Variants in HDAC9 observed in about 807,000 individuals in gnomAD.
HDAC9 encodes MEF-2 interacting transcription repressor (MITR) protein.
In HDAC9, 41 loss-of-function variants were observed where a neutral mutation model predicts 139.4. The ratio of observed to expected loss-of-function variants is 0.29; its 90% confidence interval spans 0.23 to 0.38. HDAC9 has a LOEUF of 0.38. Among genes scored for constraint, HDAC9 ranks in the 10% least tolerant of loss-of-function variants. HDAC9 has a pLI of 1.00. For missense variants in HDAC9, 1,147 were observed against 1,297.0 expected (o/e 0.88, Z 1.78); for synonymous variants, 517 against 476.2 (o/e 1.09, Z -1.12).
intron 6 of HDAC9, among the ~76,000 whole-genome samples, chr7:18,604,667 G>A (rs575160533): frequency 6.6e-6 from 1 of 152,170 alleles, no homozygotes; most frequent in African/African-American, 2.4e-5. Context: ...CCAAAGTGCT[G>A]GGATTACAGG....
At chr7:18,785,324 A>G (rs754760537) in intron 16 of HDAC9, among the ~76,000 whole-genome samples, 2 of 151,918 alleles carry the variant, frequency 1.3e-5, no homozygotes, top group Non-Finnish European at 2.9e-5. Context: ...TTTTGGTTGT[A>G]TACCAAAAAA....
At chr7:18,746,365 TCTTC>T (rs1787978172) in intron 13 of HDAC9, among the ~76,000 whole-genome samples, 1 of 152,210 alleles carries the variant, frequency 6.6e-6, no homozygotes, top group South Asian at 2.1e-4. Flanking sequence ...TAAATGTTAT[TCTTC>T]CTTCCTGCTT....
chr7:18,916,034 A>C (rs900120141), intron 22 of HDAC9, among the ~76,000 whole-genome samples: 2 of 151,560 alleles, frequency 1.3e-5, no homozygotes, highest in African/African-American at 2.4e-5. Flanking sequence ...AAAAAAAAAA[A>C]AAAACAGAAA....
intron 6 of HDAC9, among the ~76,000 whole-genome samples, chr7:18,611,029 G>A (rs551293029): frequency 1.3e-5 from 2 of 152,030 alleles, no homozygotes; most frequent in African/African-American, 4.8e-5. Flanking sequence ...GAAATCCTTC[G>A]TTTTTTGAAA....
intron 23 of HDAC9, among the ~76,000 whole-genome samples, chr7:18,952,091 G>C: frequency 6.6e-6 from 1 of 151,926 alleles, no homozygotes; most frequent in East Asian, 1.9e-4. Context: ...TTTACTGAAG[G>C]TTAAATCCTC....
chr7:18,858,832 C>T (rs1183674162), intron 21 of HDAC9, among the ~76,000 whole-genome samples: 2 of 152,062 alleles, frequency 1.3e-5, no homozygotes, highest in African/African-American at 2.4e-5. Context: ...TCATTTTTAC[C>T]ATGTCCTGAT....
chr7:18,125,578 G>A (rs927100139), intron 1 of HDAC9, among the ~76,000 whole-genome samples: 3 of 151,816 alleles, frequency 2.0e-5, no homozygotes, highest in Admixed American at 2.0e-4. Context: ...AACCTTTTGG[G>A]ACATGTAGAC....
intron 25 of HDAC9, among the ~76,000 whole-genome samples, chr7:18,995,483 C>T (rs2129354347): frequency 6.6e-6 from 1 of 152,324 alleles, no homozygotes; most frequent in Admixed American, 6.5e-5. Context: ...TACACACTAC[C>T]ATAGTGCATT....
At chr7:18,135,365 A>T (rs1321273919) in intron 1 of HDAC9, among the ~76,000 whole-genome samples, 3 of 144,904 alleles carry the variant, frequency 2.1e-5, no homozygotes, top group African/African-American at 7.7e-5. Context: ...GGTTAGTTAC[A>T]TATGTATACA....
At chr7:18,818,232 G>T (rs1361569831) in intron 17 of HDAC9, among the ~76,000 whole-genome samples, 1 of 152,156 alleles carries the variant, frequency 6.6e-6, no homozygotes, top group Non-Finnish European at 1.5e-5. Flanking sequence ...TGATACTTAA[G>T]CACTGGGAGG....
intron 2 of HDAC9, among the ~76,000 whole-genome samples, chr7:18,212,675 A>G (rs1268065105): frequency 6.6e-6 from 1 of 152,220 alleles, no homozygotes; most frequent in African/African-American, 2.4e-5. Flanking sequence ...CAGAGGAGGC[A>G]TCTTTTCTGT....
chr7:18,334,562 G>T (rs535946825), intron 1 of HDAC9, among the ~76,000 whole-genome samples: 4 of 151,508 alleles, frequency 2.6e-5, no homozygotes, highest in Admixed American at 1.3e-4. Context: ...ATTGGTGATG[G>T]TCACTTTTTC....
In HDAC9 at chr7:18,211,219, A is replaced by G. The variant is rs1791914632; in HGVS notation, c.25+48870A>G. Among the ~76,000 whole-genome samples, 3 of 152,200 alleles carry G rather than the reference A, an allele frequency of 2.0e-5. No individual in the cohort carries two copies. The South Asian group carries it at 6.2e-4, about 31-fold the overall frequency. On this transcript the variant is annotated intron_variant, in intron 2 of 12. Coordinates refer to the HDAC9 transcript ENST00000417496. ...AAAGCTCTTATTGAGCTGTGCTTCC[A>G]TACCTTTGGGCTTGTATGAAGATCT...
At chr7:18,151,889 A>G (rs941360900) in intron 1 of HDAC9, 3 of 152,230 alleles carry the variant, frequency 2.0e-5, no homozygotes, top group Non-Finnish European at 4.4e-5. Context: ...GGTAATTTTT[A>G]AATTGTTTCT....
intron 2 of HDAC9, chr7:18,162,615 G>T (rs1286202749): frequency 2.1e-6 from 1 of 466,412 alleles, no homozygotes; most frequent in Admixed American, 3.7e-5. Context: ...CATTCAGATT[G>T]AACTTTATGA....
chr7:18,880,595 T>A (rs1424230314), intron 22 of HDAC9, among the ~76,000 whole-genome samples: 1 of 152,030 alleles, frequency 6.6e-6, no homozygotes. Context: ...AATTGGGAGC[T>A]AAATGATGAA....
intron 2 of HDAC9, among the ~76,000 whole-genome samples, chr7:18,211,263 C>T (rs1051080123): frequency 2.6e-5 from 4 of 152,188 alleles, no homozygotes; most frequent in African/African-American, 9.6e-5. Flanking sequence ...TAGAAGCCCA[C>T]TTACCTATAG....
chr7:18,432,950 T>TAA (rs371784284), intron 1 of HDAC9, among the ~76,000 whole-genome samples: 11 of 130,904 alleles, frequency 8.4e-5, no homozygotes, highest in South Asian at 2.5e-4. Flanking sequence ...GACTCTGTCT[T>TAA]AAAAAAAAAA....
chr7:18,803,231 A>G (rs1046065151), intron 17 of HDAC9, among the ~76,000 whole-genome samples: 4 of 152,036 alleles, frequency 2.6e-5, no homozygotes, highest in African/African-American at 9.7e-5. Context: ...CCCACCAACA[A>G]TACAAGAACT....
Sources: gnomAD v4.1 joint callset for allele counts (sites outside exome capture counted in the v4.1 genomes callset) on GRCh38, gnomAD v4.1.1 for gene constraint, MANE v1.5 for transcripts, NCBI Gene and HGNC (gene_info 2026-07-23, HGNC 2026-07-21) for gene names.